Variants in ABCC1 observed in about 807,000 individuals in gnomAD.
ABCC1 encodes ATP binding cassette subfamily C member 1 (ABCC1 blood group).
Under a neutral mutation model 172.9 loss-of-function variants are expected in ABCC1, and 83 were observed. The ratio of observed to expected loss-of-function variants is 0.48; its 90% CI spans 0.40 to 0.58. ABCC1 has a LOEUF of 0.58. Among genes scored for constraint, ABCC1 ranks in the 20% least tolerant of loss-of-function variants. The probability of loss-of-function intolerance (pLI) is 0.00; values close to 1 mark genes in which losing one functional copy is unlikely to be tolerated. For synonymous variants in ABCC1, 937 were observed against 825.2 expected, an observed-to-expected ratio of 1.14 and a Z score of -2.32; for missense variants, 1,817 against 2,002.7, an observed-to-expected ratio of 0.91 and a Z score of 1.77.
At chr16:16,121,270 TGG>T (rs1386077963) in intron 23 of ABCC1, among the ~76,000 whole-genome samples, 3 of 152,202 alleles carry the variant, frequency 2.0e-5, no homozygotes, top group Non-Finnish European at 4.4e-5. Context: ...CTCAGACTCC[TGG>T]CCTCAAGTGA....
chr16:16,068,445 C>T (rs2050198640), intron 13 of ABCC1, 143 bp downstream of exon 13: 10 of 943,624 alleles, frequency 1.1e-5, no homozygotes, highest in African/African-American at 3.3e-5. Context: ...GCCATGCTTT[C>T]GTCTGGTCAT....
intron 5 of ABCC1, among the ~76,000 whole-genome samples, chr16:16,031,831 C>T (rs1384038771): frequency 6.6e-6 from 1 of 151,854 alleles, no homozygotes; most frequent in Non-Finnish European, 1.5e-5. Context: ...ACATCAAGGC[C>T]CAGAAGTTGT....
chr16:16,029,676 T>C (rs1227190636), intron 5 of ABCC1, among the ~76,000 whole-genome samples: 2 of 152,232 alleles, frequency 1.3e-5, no homozygotes, highest in Admixed American at 6.5e-5. Context: ...TGTTCATTGC[T>C]CAACTTTCTC....
At chr16:15,977,477 C>T (rs906390890) in intron 1 of ABCC1, among the ~76,000 whole-genome samples, 2 of 151,710 alleles carry the variant, frequency 1.3e-5, no homozygotes, top group African/African-American at 4.9e-5. Context: ...CCCAAGTGAT[C>T]CTCCTGCCTC....
intron 7 of ABCC1, among the ~76,000 whole-genome samples, chr16:16,040,265 G>T (rs2151860505): frequency 6.6e-6 from 1 of 151,502 alleles, no homozygotes; most frequent in South Asian, 2.1e-4. Flanking sequence ...CCTGGCTGAT[G>T]AATTAATTAA....
intron 1 of ABCC1, among the ~76,000 whole-genome samples, chr16:15,988,919 A>G (rs2046799461): frequency 6.6e-6 from 1 of 151,842 alleles, no homozygotes; most frequent in African/African-American, 2.4e-5. Flanking sequence ...AAATACAAAA[A>G]TTAACCAGGC....
chr16:15,981,514 C>T (rs1487414903), intron 1 of ABCC1, among the ~76,000 whole-genome samples: 2 of 152,196 alleles, frequency 1.3e-5, no homozygotes, highest in African/African-American at 4.8e-5. Flanking sequence ...GAGGCTTGCA[C>T]CCTCTGATGG....
chr16:15,987,565 C>T (rs2046770507), intron 1 of ABCC1, among the ~76,000 whole-genome samples: 1 of 152,214 alleles, frequency 6.6e-6, no homozygotes, highest in South Asian at 2.1e-4. Context: ...GCCAATAGCA[C>T]TACCCTCTTC....
intron 21 of ABCC1, among the ~76,000 whole-genome samples, chr16:16,107,427 T>C (rs575038272): frequency 2.0e-5 from 3 of 152,166 alleles, no homozygotes; most frequent in East Asian, 1.9e-4. Flanking sequence ...GTAGCTGGGA[T>C]TACAGAAACT....
chr16:16,007,230 G>T (rs1477887224), intron 1 of ABCC1, among the ~76,000 whole-genome samples: 1 of 151,660 alleles, frequency 6.6e-6, no homozygotes, highest in African/African-American at 2.4e-5. Context: ...GTGTGTGTGT[G>T]TGTGTGTGTG....
chr16:16,018,973 G>T (rs2048103993), intron 5 of ABCC1, among the ~76,000 whole-genome samples: 2 of 152,138 alleles, frequency 1.3e-5, no homozygotes, highest in South Asian at 4.1e-4. Context: ...TGACACAGAA[G>T]AGAGGGGCTC....
At chr16:16,027,908 C>T (rs1345518285) in intron 5 of ABCC1, among the ~76,000 whole-genome samples, 4 of 152,120 alleles carry the variant, frequency 2.6e-5, no homozygotes. Flanking sequence ...ACTCATGTTA[C>T]CCTTTCTTTG....
intron 19 of ABCC1, among the ~76,000 whole-genome samples, chr16:16,102,020 C>A (rs1426175683): frequency 2.6e-5 from 4 of 152,092 alleles, no homozygotes; most frequent in Admixed American, 2.6e-4. Flanking sequence ...GAACTTGGTT[C>A]CCCAGTTCAA....
At chr16:16,048,416 C>G (rs954885911) in intron 10 of ABCC1, 113 bp downstream of exon 10, 9 of 1,243,046 alleles carry the variant, frequency 7.2e-6, no homozygotes, top group Admixed American at 4.6e-5. Context: ...CCTGGCAGTT[C>G]CGGCTGTGGT....
chr16:16,071,722 C>A lies in ABCC1; in HGVS notation c.1905C>A (p.Val635=), dbSNP rs768379870. The A allele has an allele frequency of 6.5e-5, 105 of 1,613,262 alleles. No individual in the cohort carries two copies. In the Admixed American group the frequency reaches 7.8e-4, roughly 12 times the overall value. Residue 635 remains valine (V), a synonymous_variant, in exon 14 of 31, where the codon GTC becomes GTA. Transcript: ENST00000399410. The part of the protein sequence containing the change: ...LEPDSIERRP[V]KDGGGTNSIT... ...CTGACAGCATCGAGCGACGGCCTGT[C>A]AAAGACGGTGTGTGTGTGTTCAGTC...
chr16:16,026,170 G>T (rs180960651), intron 5 of ABCC1, among the ~76,000 whole-genome samples: 1 of 152,202 alleles, frequency 6.6e-6, no homozygotes, highest in Non-Finnish European at 1.5e-5. Flanking sequence ...AGTGGCTCAT[G>T]CCTGTAATCC....
Position 16,141,544 on chromosome 16 carries a change from C to T in ABCC1, c.*263C>T. 1 of 457,928 alleles carries T rather than the reference C, an allele frequency of 2.2e-6. No individual in the cohort carries two copies. The highest frequency in any genetic ancestry group is 3.7e-5 in the East Asian group (1 of 27,374). The allele number at this position is 457,928 out of a possible 1,614,324, so 28.4% of individuals were successfully genotyped here. ...CCCCTGGTGCCCTGAGACAGACACA[C>T]AGCCTCACGCCCCCAGGAATGCAAG... is the stretch of plus-strand genomic sequence containing the variant. On this transcript the variant is annotated 3_prime_UTR_variant, in exon 31 of 31. Coordinates refer to ENST00000399410, the MANE Select transcript of ABCC1 (RefSeq NM_004996.4).
intron 12 of ABCC1, among the ~76,000 whole-genome samples, chr16:16,061,546 T>A (rs1374254876): frequency 6.6e-6 from 1 of 152,168 alleles, no homozygotes; most frequent in Non-Finnish European, 1.5e-5. Flanking sequence ...AGAACCACAG[T>A]CAATAGTGAA....
At chr16:16,011,577 G>A (rs868236315) in intron 3 of ABCC1, among the ~76,000 whole-genome samples, 5 of 152,214 alleles carry the variant, frequency 3.3e-5, no homozygotes, top group South Asian at 2.1e-4. Context: ...GAACTCCTGG[G>A]CTCAAATGAT....
Sources: allele counts gnomAD v4.1 joint callset (sites outside exome capture counted in the v4.1 genomes callset), GRCh38; gene constraint gnomAD v4.1.1; transcripts MANE v1.5; gene names NCBI Gene and HGNC (gene_info 2026-07-23, HGNC 2026-07-21).